SCTR: variants seen among roughly 807,000 people sequenced by gnomAD.
SCTR encodes the protein pancreatic secretin receptor.
In SCTR, 56 loss-of-function variants were observed where a neutral mutation model predicts 60.8. That is an observed-to-expected ratio of 0.92 (90% CI 0.74 to 1.15). The LOEUF is 1.15. Among genes scored for constraint, SCTR ranks in the 50% most tolerant of loss-of-function variants. The pLI, the probability that SCTR is intolerant of heterozygous loss-of-function variation, is 0.00. For synonymous variants in SCTR, 202 were observed against 217.0 expected (o/e 0.93, Z 0.61); for missense variants, 562 against 550.4 (o/e 1.02, Z -0.21).
chr2:119,474,521 T>A (rs1677180021), intron 3 of SCTR, among the ~76,000 whole-genome samples: 1 of 152,112 alleles, frequency 6.6e-6, no homozygotes, highest in African/African-American at 2.4e-5. Context: ...CAGGCCGGTG[T>A]AAGTGTTGCA....
chr2:119,455,037 C>CT (rs34554408), intron 7 of SCTR, among the ~76,000 whole-genome samples: 7 of 151,434 alleles, frequency 4.6e-5, no homozygotes, highest in South Asian at 2.1e-4. Context: ...GGCTCAGATT[C>CT]TTTTTTTTTT....
rs113585836 is a variant in SCTR at position 119,509,973 on chromosome 2, G to A, written c.72+14182C>T. Among the ~76,000 whole-genome samples, 1,069 of 151,424 alleles carry A rather than the reference G, an allele frequency of 7.1e-3. 9 individuals carry two copies. Among genetic ancestry groups the A allele is most frequent in the African/African-American group, 0.023 (939 of 40,998 alleles). ...TCAGGGTTAATCTATGTAGCAACAC[G>A]TATCAGAATTTCCTTTTTTTTTTTA... On this transcript the variant is annotated intron_variant, in intron 1 of 12. Coordinates refer to ENST00000019103, the MANE Select transcript of SCTR (RefSeq NM_002980.3).
At chr2:119,476,130 C>T (rs1280917180) in intron 3 of SCTR, among the ~76,000 whole-genome samples, 1 of 152,120 alleles carries the variant, frequency 6.6e-6, no homozygotes, top group African/African-American at 2.4e-5. Context: ...CCTCACTGGG[C>T]GCTCCCCCTG....
intron 9 of SCTR, among the ~76,000 whole-genome samples, chr2:119,449,941 AAAAG>A (rs1474753470): frequency 3.6e-4 from 51 of 143,414 alleles, no homozygotes; most frequent in African/African-American, 1.3e-3. Flanking sequence ...GAAGACAAAA[AAAAG>A]AAGGAAGGAA....
At chr2:119,442,511 G>A (rs937126028) in intron 11 of SCTR, among the ~76,000 whole-genome samples, 2 of 152,226 alleles carry the variant, frequency 1.3e-5, no homozygotes, top group Non-Finnish European at 2.9e-5. Context: ...TATGATATTG[G>A]AAAGGAACCT....
At chr2:119,520,732 T>C (rs1037469006) in intron 1 of SCTR, among the ~76,000 whole-genome samples, 4 of 152,204 alleles carry the variant, frequency 2.6e-5, no homozygotes, top group African/African-American at 9.6e-5. Context: ...CAAGGAAACA[T>C]TCTCCACAGA....
intron 1 of SCTR, among the ~76,000 whole-genome samples, chr2:119,518,772 G>C (rs1679190140): frequency 6.6e-6 from 1 of 152,190 alleles, no homozygotes; most frequent in Admixed American, 6.5e-5. Context: ...GCAAGAGGCT[G>C]TTCTGGTGGT....
At chr2:119,458,458 G>A (rs1316006296) in intron 7 of SCTR, among the ~76,000 whole-genome samples, 2 of 152,072 alleles carry the variant, frequency 1.3e-5, no homozygotes, top group Non-Finnish European at 1.5e-5. Flanking sequence ...AAAATTAGCT[G>A]GGTGTGGTGG....
intron 1 of SCTR, among the ~76,000 whole-genome samples, chr2:119,498,816 A>G (rs1678438031): frequency 1.3e-5 from 2 of 152,060 alleles, no homozygotes; most frequent in South Asian, 4.1e-4. Context: ...GTAAACTAAG[A>G]AATAAAAATC....
At chr2:119,513,725 C>T (rs1443567641) in intron 1 of SCTR, among the ~76,000 whole-genome samples, 1 of 152,140 alleles carries the variant, frequency 6.6e-6, no homozygotes, top group Non-Finnish European at 1.5e-5. Context: ...ATTAATTACA[C>T]ATCAGAGCTG....
chr2:119,449,788 A>C (rs1216470493), intron 9 of SCTR, among the ~76,000 whole-genome samples: 1 of 152,200 alleles, frequency 6.6e-6, no homozygotes, highest in African/African-American at 2.4e-5. Flanking sequence ...CTGGCCCAGC[A>C]CTGCTTTTCG....
chr2:119,488,396 C>T (rs1204948396), intron 2 of SCTR, among the ~76,000 whole-genome samples: 1 of 152,212 alleles, frequency 6.6e-6, no homozygotes, highest in African/African-American at 2.4e-5. Flanking sequence ...CAGGGCTTGC[C>T]CAGGTCCCCC....
At chr2:119,465,225 C>T (rs544287905) in intron 5 of SCTR, among the ~76,000 whole-genome samples, 1 of 152,274 alleles carries the variant, frequency 6.6e-6, no homozygotes, top group South Asian at 2.1e-4. Context: ...CTCTTGTTGG[C>T]CCTGGTGTTG....
rs370640202 is a variant in SCTR, at chr2:119,467,045, T to C, written c.406-1159A>G. On this transcript the variant is annotated intron_variant, in intron 4 of 12. Coordinates refer to ENST00000019103, the MANE Select transcript of SCTR (RefSeq NM_002980.3). Reference sequence around the variant, plus strand: ...GCAGCCACTTCACACTATTGGCTCATCTTTGAGTCAAAAAGATCTAAGTGG... The same window carrying C: ...GCAGCCACTTCACACTATTGGCTCACCTTTGAGTCAAAAAGATCTAAGTGG... 2.3e-4 allele frequency among the ~76,000 whole-genome samples: 35 copies of C among 152,264 alleles called. No homozygotes were observed. The East Asian group carries it at 6.6e-3, about 29-fold the overall frequency.
At chr2:119,463,921 A>G (rs1683715765) in intron 6 of SCTR, among the ~76,000 whole-genome samples, 1 of 152,068 alleles carries the variant, frequency 6.6e-6, no homozygotes, top group Non-Finnish European at 1.5e-5. Flanking sequence ...TCTCTCCTAC[A>G]TGACCCAGAT....
intron 11 of SCTR, among the ~76,000 whole-genome samples, chr2:119,443,121 G>A (rs527463767): frequency 6.6e-6 from 1 of 152,278 alleles, no homozygotes; most frequent in South Asian, 2.1e-4. Flanking sequence ...GGCCTCCGCT[G>A]CGCTAGGGTC....
intron 1 of SCTR, among the ~76,000 whole-genome samples, chr2:119,502,216 C>T (rs1678577290): frequency 6.6e-6 from 1 of 152,106 alleles, no homozygotes; most frequent in African/African-American, 2.4e-5. Context: ...TGCACCACTG[C>T]TCTCCAGACT....
intron 1 of SCTR, among the ~76,000 whole-genome samples, chr2:119,509,774 A>T (rs1004313500): frequency 6.6e-6 from 1 of 152,110 alleles, no homozygotes; most frequent in Non-Finnish European, 1.5e-5. Context: ...TACCCCGAAC[A>T]GAAGCTCTGA....
rs1328888140 is a variant in SCTR, at chr2:119,524,401, C to T, written c.-175G>A. On this transcript the variant is annotated 5_prime_UTR_variant, in exon 1 of 13. Transcript: ENST00000019103. ...GCCCCGGGACTGCTCCTCCTCGGAC[C>T]AGGTGGCCGCGCGCGCTAAGCCGCC... The T allele has an allele frequency of 2.5e-6, 1 of 399,358 alleles. No individual in the cohort carries two copies. The allele number at this position is 399,358 out of a possible 1,614,324, so 24.7% of individuals were successfully genotyped here. A position where few individuals can be genotyped will look rare whatever the true frequency, so the allele number is the denominator to read the frequency against.
Sources: allele counts gnomAD v4.1 joint callset (sites outside exome capture counted in the v4.1 genomes callset), GRCh38; gene constraint gnomAD v4.1.1; transcripts MANE v1.5; gene names NCBI Gene and HGNC (gene_info 2026-07-23, HGNC 2026-07-21).